The following CDCA7L variants were observed in gnomAD, a reference collection of about 807,000 sequenced individuals.
The protein encoded by CDCA7L is cell division cycle-associated 7-like protein.
Under a neutral mutation model 57.4 loss-of-function variants are expected in CDCA7L, and 44 were observed. The observed-to-expected ratio is 0.77, with a 90% CI of 0.60 to 0.98. The LOEUF (loss-of-function observed/expected upper bound fraction) is 0.98. Ranked by LOEUF, CDCA7L falls within the 50% of genes least tolerant of loss-of-function variation. The probability of loss-of-function intolerance (pLI) is 0.00; values close to 1 mark genes in which losing one functional copy is unlikely to be tolerated. For synonymous variants in CDCA7L, 236 were observed against 202.8 expected (o/e 1.16, Z -1.39); for missense variants, 644 against 580.6 (o/e 1.11, Z -1.12).
chr7:21,917,923 T>G (rs1043130009), intron 1 of CDCA7L, among the ~76,000 whole-genome samples: 1 of 76,912 alleles, frequency 1.3e-5, no homozygotes, highest in African/African-American at 8.1e-5. Flanking sequence ...TTACTGTAAC[T>G]CTATATTTTA....
chr7:21,906,268 C>T (rs765225320), intron 6 of CDCA7L, 21 bp downstream of exon 6: 2 of 1,568,222 alleles, frequency 1.3e-6, no homozygotes, highest in Admixed American at 3.7e-5. Flanking sequence ...AAAACTAATT[C>T]ATGTATTAGT....
At chr7:21,922,150 G>C (rs752541421) in intron 1 of CDCA7L, among the ~76,000 whole-genome samples, 4 of 152,210 alleles carry the variant, frequency 2.6e-5, no homozygotes, top group African/African-American at 9.6e-5. Flanking sequence ...CTACATGAGG[G>C]GAATTAAAAA....
intron 1 of CDCA7L, among the ~76,000 whole-genome samples, chr7:21,929,244 C>G (rs1166757625): frequency 1.3e-5 from 2 of 152,162 alleles, no homozygotes; most frequent in Non-Finnish European, 2.9e-5. Context: ...CCTTTACAGA[C>G]AAGCAAATGC....
At chr7:21,929,903 G>C (rs914781927) in intron 1 of CDCA7L, among the ~76,000 whole-genome samples, 5 of 152,116 alleles carry the variant, frequency 3.3e-5, no homozygotes, top group Non-Finnish European at 4.4e-5. Flanking sequence ...GTCACTATTA[G>C]ATCAAAGAGA....
chr7:21,940,076 G>A (rs1786293077), intron 1 of CDCA7L, among the ~76,000 whole-genome samples: 2 of 151,888 alleles, frequency 1.3e-5, no homozygotes, highest in African/African-American at 4.8e-5. Flanking sequence ...GGCTGATAGA[G>A]CTACCACTCT....
rs959423467 is a variant in CDCA7L at position 21,901,420 on chromosome 7, T to G, written c.*902A>C. ...AAAGTCAGAAAAAAATACTAGAAACTAACTCAGGGCTGAGCGTGGTGGCAC... is the reference window on the plus strand; with the variant it reads ...AAAGTCAGAAAAAAATACTAGAAACGAACTCAGGGCTGAGCGTGGTGGCAC... On this transcript the variant is annotated 3_prime_UTR_variant, in exon 10 of 10. Coordinates refer to ENST00000406877, the MANE Select transcript of CDCA7L (RefSeq NM_018719.5). The G allele has an allele frequency of 2.9e-6, 3 of 1,024,210 alleles. No homozygotes were observed. Among genetic ancestry groups the G allele is most frequent in the African/African-American group, 3.3e-5 (2 of 61,256 alleles). The allele number at this position is 1,024,210 out of a possible 1,614,324, so 63.4% of individuals were successfully genotyped here.
intron 1 of CDCA7L, among the ~76,000 whole-genome samples, chr7:21,919,751 C>T (rs1380269929): frequency 6.6e-6 from 1 of 152,020 alleles, no homozygotes; most frequent in African/African-American, 2.4e-5. Context: ...CCATGTGGTG[C>T]TCTATCTACA....
chr7:21,902,775 A>T, intron 9 of CDCA7L: 1 of 553,396 alleles, frequency 1.8e-6, no homozygotes, highest in Non-Finnish European at 3.1e-6. Context: ...GAGTTGAAAA[A>T]TCTAGCAAAG....
chr7:21,908,588 G>A, intron 3 of CDCA7L, 81 bp from the exon 4 acceptor site: 2 of 1,336,528 alleles, frequency 1.5e-6, no homozygotes, highest in Non-Finnish European at 2.0e-6. Flanking sequence ...ACAACTGACA[G>A]CATTATGAGA....
At chr7:21,934,227 T>C (rs972502699) in intron 1 of CDCA7L, among the ~76,000 whole-genome samples, 2 of 152,328 alleles carry the variant, frequency 1.3e-5, no homozygotes, top group East Asian at 3.9e-4. Context: ...CTTACGAATC[T>C]GTTCATGGAT....
At chr7:21,908,051 A>T in intron 4 of CDCA7L, 79 bp downstream of exon 4, 1 of 1,437,534 alleles carries the variant, frequency 7.0e-7, no homozygotes, top group Non-Finnish European at 9.2e-7. Context: ...CAGCTGTAGG[A>T]GCAAAGTGGT....
intron 1 of CDCA7L, among the ~76,000 whole-genome samples, chr7:21,938,978 C>T (rs1786259553): frequency 6.6e-6 from 1 of 152,130 alleles, no homozygotes; most frequent in South Asian, 2.1e-4. Context: ...CACTGCACTC[C>T]AGCCTGGGCA....
chr7:21,917,692 T>C (rs1245248602), intron 1 of CDCA7L, among the ~76,000 whole-genome samples: 2 of 152,254 alleles, frequency 1.3e-5, no homozygotes, highest in African/African-American at 2.4e-5. Context: ...CCATGGGCAT[T>C]TGCTGATATT....
chr7:21,913,161 T>C (rs188634791), intron 2 of CDCA7L, among the ~76,000 whole-genome samples: 250 of 152,258 alleles, frequency 1.6e-3, no homozygotes, highest in South Asian at 2.3e-3. Flanking sequence ...TGGGGAAAGA[T>C]AGATATAATA....
chr7:21,918,900 G>A lies in CDCA7L; in HGVS notation c.25-2006C>T, dbSNP rs78770288. Among the ~76,000 whole-genome samples, 1,053 of 152,318 alleles carry A rather than the reference G, an allele frequency of 6.9e-3. 15 individuals are homozygous for A. The East Asian group carries it at 0.07, about 10-fold the overall frequency. On this transcript the variant is annotated intron_variant, in intron 1 of 9. Transcript: ENST00000406877. ...CTCCTTTGTCACTAATAAGGAATATGCAGAGTGAGACTTGAGATTCTGTGA... is the reference window on the plus strand; with the variant it reads ...CTCCTTTGTCACTAATAAGGAATATACAGAGTGAGACTTGAGATTCTGTGA...
chr7:21,910,534 TCTGG>T (rs1785284833), intron 3 of CDCA7L, among the ~76,000 whole-genome samples: 1 of 152,240 alleles, frequency 6.6e-6, no homozygotes, highest in Non-Finnish European at 1.5e-5. Flanking sequence ...TTTAGCAGCT[TCTGG>T]CTGTGAAGAG....
chr7:21,939,353 C>G (rs544381703), intron 1 of CDCA7L, among the ~76,000 whole-genome samples: 8 of 152,072 alleles, frequency 5.3e-5, no homozygotes, highest in South Asian at 2.1e-4. Flanking sequence ...TATCTTACCA[C>G]AATAAAAAGC....
rs562191679 is a variant in CDCA7L, at chr7:21,901,334, A to C, written c.*988T>G. The C allele has an allele frequency of 2.1e-6, 3 of 1,414,310 alleles. No individual in the cohort carries two copies. The highest frequency in any genetic ancestry group is 2.9e-5 in the African/African-American group (2 of 68,602). The allele number at this position is 1,414,310 out of a possible 1,614,324, so 87.6% of individuals were successfully genotyped here. A position where few individuals can be genotyped will look rare whatever the true frequency, so the allele number is the denominator to read the frequency against. ...ATGTTGCTGCACTGTTCCCATGCAC[A>C]TTATTCTAACTTTTTAGTAACTCAC... On this transcript the variant is annotated 3_prime_UTR_variant, in exon 10 of 10. Transcript: ENST00000406877.
chr7:21,906,203 AG>A (rs1785132884), intron 6 of CDCA7L, 85 bp downstream of exon 6: 1 of 1,344,960 alleles, frequency 7.4e-7, no homozygotes. Flanking sequence ...GGTCAGAACC[AG>A]CCCTGGGGTG....
Sources: gnomAD v4.1 joint callset for allele counts (sites outside exome capture counted in the v4.1 genomes callset) on GRCh38, gnomAD v4.1.1 for gene constraint, MANE v1.5 for transcripts, NCBI Gene and HGNC (gene_info 2026-07-23, HGNC 2026-07-21) for gene names.